UGT1A10: variants seen among roughly 807,000 people sequenced by gnomAD.
UGT1A10 encodes UDP glucuronosyltransferase family 1 member A10, also known as UDP-glucuronosyltransferase 1A10.
In UGT1A10, 49 loss-of-function variants were observed where a neutral mutation model predicts 45.8. The ratio of observed to expected loss-of-function variants is 1.07; its 90% CI spans 0.85 to 1.36. The LOEUF is 1.36. UGT1A10 is among the 40% of genes most tolerant of loss of function. The probability of loss-of-function intolerance (pLI) is 0.00; values close to 1 mark genes in which losing one functional copy is unlikely to be tolerated. For synonymous variants in UGT1A10, 284 were observed against 249.7 expected (o/e 1.14, Z -1.29); for missense variants, 745 against 668.6 (o/e 1.11, Z -1.26).
chr2:233,685,482 G>C (rs2125532234), intron 1 of UGT1A10, among the ~76,000 whole-genome samples: 1 of 152,290 alleles, frequency 6.6e-6, no homozygotes, highest in South Asian at 2.1e-4. Context: ...TGGAGAACTG[G>C]GACTGGGATG....
At chr2:233,690,390 C>A in intron 1 of UGT1A10, 1 of 1,083,920 alleles carries the variant, frequency 9.2e-7, no homozygotes, top group Non-Finnish European at 1.2e-6. Context: ...CGTTTCCAGA[C>A]CTTCCTATTC....
At chr2:233,649,593 A>G (rs906312716) in intron 1 of UGT1A10, among the ~76,000 whole-genome samples, 14 of 152,252 alleles carry the variant, frequency 9.2e-5, no homozygotes, top group African/African-American at 3.4e-4. Context: ...TTTACTTGCC[A>G]GTAAACCAGA....
At chr2:233,642,029 C>T (rs948630391) in intron 1 of UGT1A10, among the ~76,000 whole-genome samples, 2 of 152,144 alleles carry the variant, frequency 1.3e-5, no homozygotes, top group Non-Finnish European at 2.9e-5. Flanking sequence ...CCTTCTCATA[C>T]TTGAATATAG....
Position 233,768,444 on chromosome 2 carries a change from G to T in UGT1A10, c.1295+5G>T. 3.7e-6 allele frequency: 6 copies of T among 1,612,940 alleles called. No homozygotes were observed. The highest frequency in any genetic ancestry group is 5.1e-6 in the Non-Finnish European group (6 of 1,179,422). Reference sequence around the variant, plus strand: ...AGCAGTCATCAATGACAAAAGGTAAGAAAGAAGATACAGAAGAATACTTTG... The same window carrying T: ...AGCAGTCATCAATGACAAAAGGTAATAAAGAAGATACAGAAGAATACTTTG... On this transcript the variant is annotated splice_donor_5th_base_variant and intron_variant, in intron 4 of 4. Coordinates refer to ENST00000344644, the MANE Select transcript of UGT1A10 (RefSeq NM_019075.4).
intron 4 of UGT1A10, 91 bp downstream of exon 4, chr2:233,768,530 CGTT>C (rs2126039098): frequency 2.0e-6 from 3 of 1,496,416 alleles, no homozygotes; most frequent in African/African-American, 1.4e-5. Flanking sequence ...CATTTAATAG[CGTT>C]GTTTCAAATA....
chr2:233,718,302 C>T (rs1386220798), intron 1 of UGT1A10, among the ~76,000 whole-genome samples: 2 of 152,224 alleles, frequency 1.3e-5, no homozygotes, highest in Admixed American at 6.5e-5. Flanking sequence ...CCTGAACACT[C>T]TCTGTTTAGA....
intron 1 of UGT1A10, among the ~76,000 whole-genome samples, chr2:233,669,779 G>A (rs2074145421): frequency 6.6e-6 from 1 of 152,140 alleles, no homozygotes; most frequent in South Asian, 2.1e-4. Flanking sequence ...CGCTTCCCGG[G>A]TTCAAGTGAT....
intron 1 of UGT1A10, chr2:233,755,525 C>T (rs1695949883): frequency 6.3e-6 from 1 of 159,908 alleles, no homozygotes; most frequent in South Asian, 1.8e-4. Flanking sequence ...CTCCGGCCTC[C>T]AACCAGCCAT....
intron 1 of UGT1A10, among the ~76,000 whole-genome samples, chr2:233,740,381 G>T (rs771907288): frequency 6.6e-6 from 1 of 151,918 alleles, no homozygotes; most frequent in Non-Finnish European, 1.5e-5. Flanking sequence ...GTAAGTTGTT[G>T]TGTGAATTAT....
At chr2:233,652,554 A>C (rs1363688664) in intron 1 of UGT1A10, among the ~76,000 whole-genome samples, 5 of 152,026 alleles carry the variant, frequency 3.3e-5, no homozygotes, top group Non-Finnish European at 1.5e-5. Context: ...AAAATCAATA[A>C]CTCTTTAATA....
intron 1 of UGT1A10, among the ~76,000 whole-genome samples, chr2:233,752,750 C>CAA (rs1695052572): frequency 6.6e-6 from 1 of 151,980 alleles, no homozygotes; most frequent in Non-Finnish European, 1.5e-5. Context: ...GTCTCTAAAA[C>CAA]AAACAAACAA....
intron 1 of UGT1A10, chr2:233,755,152 C>G: frequency 1.5e-6 from 2 of 1,299,966 alleles, no homozygotes; most frequent in Non-Finnish European, 2.1e-6. Flanking sequence ...ACCGCTTCCT[C>G]CCTGTCCTCG....
At chr2:233,767,271 T>G in intron 2 of UGT1A10, 106 bp downstream of exon 2, 1 of 1,583,574 alleles carries the variant, frequency 6.3e-7, no homozygotes, top group East Asian at 2.2e-5. Context: ...TAGATTTGGC[T>G]TTTCCCTGCC....
rs1447098381 is a variant in UGT1A10 at position 233,718,854 on chromosome 2, C to G, written c.856-48180C>G. 1.9e-6 allele frequency: 3 copies of G among 1,613,744 alleles called. 1 individual carries two copies. Among genetic ancestry groups the G allele is most frequent in the South Asian group, 2.2e-5 (2 of 91,050 alleles). On this transcript the variant is annotated intron_variant, in intron 1 of 4. Transcript: ENST00000344644. ...AGGACTCCAGGTTCCCCTGCCGCGG[C>G]TGGCCACAGGACTGCTGCTCCTCCT...
chr2:233,637,109 G>T lies in UGT1A10; in HGVS notation c.587G>T (p.Gly196Val). The change falls in exon 1 of 5, where the codon GGG (glycine) becomes GTG (valine). Residue 196 changes from glycine (G) to valine (V), a missense_variant. Coordinates refer to ENST00000344644, the MANE Select transcript of UGT1A10 (RefSeq NM_019075.4). ...TCCTATGTCCCCAATGATCTCTTAG[G>T]GTTCTCAGATGCCATGACTTTCAAG... ...PLSYVPNDLLGFSDAMTFKER... is the reference protein window; with the variant it reads ...PLSYVPNDLLVFSDAMTFKER... 4 of 1,613,904 alleles carry T rather than the reference G, an allele frequency of 2.5e-6. No individual in the cohort carries two copies. Among genetic ancestry groups the T allele is most frequent in the Non-Finnish European group, 3.4e-6 (4 of 1,179,858 alleles).
intron 1 of UGT1A10, chr2:233,760,235 T>C (rs1697361958): frequency 1.4e-5 from 17 of 1,221,898 alleles, no homozygotes; most frequent in Non-Finnish European, 1.8e-5. Context: ...GTTTTTGCCA[T>C]ATATATATAT....
intron 1 of UGT1A10, among the ~76,000 whole-genome samples, chr2:233,641,383 A>T (rs2125463843): frequency 6.6e-6 from 1 of 152,330 alleles, no homozygotes; most frequent in South Asian, 2.1e-4. Flanking sequence ...GCAAGAAGAA[A>T]ACTAATAGAA....
intron 1 of UGT1A10, among the ~76,000 whole-genome samples, chr2:233,694,575 T>C (rs1453621586): frequency 1.3e-5 from 2 of 152,230 alleles, no homozygotes; most frequent in Non-Finnish European, 2.9e-5. Context: ...AATTTCAATG[T>C]AAATATTTAC....
chr2:233,638,471 G>A (rs928729161), intron 1 of UGT1A10, among the ~76,000 whole-genome samples: 1 of 152,054 alleles, frequency 6.6e-6, no homozygotes, highest in Non-Finnish European at 1.5e-5. Context: ...TCTGATATTT[G>A]TACTGCTTCT....
Sources: allele counts gnomAD v4.1 joint callset (sites outside exome capture counted in the v4.1 genomes callset), GRCh38; gene constraint gnomAD v4.1.1; transcripts MANE v1.5; gene names NCBI Gene and HGNC (gene_info 2026-07-23, HGNC 2026-07-21).